Variants in RAI1 observed in about 807,000 individuals in gnomAD.
RAI1 encodes retinoic acid-induced protein 1.
RAI1 carries 9 observed loss-of-function variants against 123.8 expected under a neutral mutation model. The observed-to-expected ratio is 0.07, with a 90% CI of 0.04 to 0.13. The LOEUF (loss-of-function observed/expected upper bound fraction) is 0.13. RAI1 is among the 10% of genes least tolerant of loss of function. RAI1 has a pLI of 1.00. For synonymous variants in RAI1, 1,231 were observed against 1,127.3 expected (o/e 1.09, Z -1.84); for missense variants, 2,256 against 2,545.8 (o/e 0.89, Z 2.45).
At chr17:17,761,619 T>C (rs2030700466) in intron 2 of RAI1, among the ~76,000 whole-genome samples, 1 of 152,094 alleles carries the variant, frequency 6.6e-6, no homozygotes, top group Non-Finnish European at 1.5e-5. Context: ...TACTAGCATT[T>C]TGCCAGGCAA....
At chr17:17,773,300 G>A (rs941504158) in intron 2 of RAI1, among the ~76,000 whole-genome samples, 5 of 152,168 alleles carry the variant, frequency 3.3e-5, no homozygotes, top group African/African-American at 1.2e-4. Flanking sequence ...TGGAGAGAAG[G>A]TGGAGGCTTC....
At chr17:17,754,119 C>A (rs1355550430) in intron 2 of RAI1, among the ~76,000 whole-genome samples, 1 of 150,538 alleles carries the variant, frequency 6.6e-6, no homozygotes, top group Non-Finnish European at 1.5e-5. Flanking sequence ...CACTGGCCAG[C>A]TGTGCAGCCT....
chr17:17,794,392 A>G lies in RAI1; in HGVS notation c.1444A>G (p.Ser482Gly), dbSNP rs200842054. 13 of 1,613,086 alleles carry G rather than the reference A, an allele frequency of 8.1e-6. No homozygotes were observed. Among genetic ancestry groups the G allele is most frequent in the African/African-American group, 5.3e-5 (4 of 74,956 alleles). The change falls in exon 3 of 6, where the codon AGC becomes GGC. Residue 482 changes from serine (S) to glycine (G), a missense_variant. This residue lies in a region of RAI1 where 357 missense variants were observed against 480.2 expected (regional missense o/e 0.74). Coordinates refer to ENST00000353383, the MANE Select transcript of RAI1 (RefSeq NM_030665.4). ...TPEQHKSQHC[S>G]PEGSGYSAEP... ...AGAGCAGCATAAAAGCCAGCACTGC[A>G]GCCCCGAAGGGAGCGGCTACTCAGC...
chr17:17,699,014 A>G (rs529053421), intron 1 of RAI1, among the ~76,000 whole-genome samples: 38 of 152,306 alleles, frequency 2.5e-4, no homozygotes, highest in Non-Finnish European at 4.0e-4. Context: ...TCTGATGGAG[A>G]CAGGGAGTCC....
At chr17:17,765,087 G>A (rs1257288822) in intron 2 of RAI1, among the ~76,000 whole-genome samples, 2 of 152,236 alleles carry the variant, frequency 1.3e-5, no homozygotes, top group South Asian at 2.1e-4. Context: ...AGGCTGAGAC[G>A]GGAGGAGAGT....
rs2032420866 is a variant in RAI1 at position 17,800,338 on chromosome 17, A to G, written c.5565+1825A>G. ...AGCTGGCTGCCACCTCCCCTGCTTC[A>G]CAGCCCCATTCCTGAAAGCCTTGTC... is the stretch of plus-strand genomic sequence containing the variant. On this transcript the variant is annotated intron_variant, in intron 3 of 5. Coordinates refer to ENST00000353383, the MANE Select transcript of RAI1 (RefSeq NM_030665.4). The surrounding 1 kb of genome is among the most constrained non-coding windows in gnomAD (Gnocchi z 4.7). Among the ~76,000 whole-genome samples the G allele has an allele frequency of 6.6e-6, 1 of 152,040 alleles. No individual in the cohort carries two copies. The highest frequency in any genetic ancestry group is 1.5e-5 in the Non-Finnish European group (1 of 67,994).
Position 17,799,832 on chromosome 17 carries a change from G to A in RAI1, c.5565+1319G>A, listed in dbSNP as rs1457671045. Among the ~76,000 whole-genome samples, 1 of 151,602 alleles carries A rather than the reference G, an allele frequency of 6.6e-6. No individual in the cohort carries two copies. Among genetic ancestry groups the A allele is most frequent in the Non-Finnish European group, 1.5e-5 (1 of 67,908 alleles). On this transcript the variant is annotated intron_variant, in intron 3 of 5. Coordinates refer to ENST00000353383, the MANE Select transcript of RAI1 (RefSeq NM_030665.4). The surrounding 1 kb of genome is among the most constrained non-coding windows in gnomAD (Gnocchi z 4.5). ...CACCTGCTCCTCGCAGTACACCCCT[G>A]CAGCCCCTCTGAGCAGCCCCTGCTC...
intron 2 of RAI1, among the ~76,000 whole-genome samples, chr17:17,746,294 C>T (rs1471464025): frequency 6.6e-6 from 1 of 152,220 alleles, no homozygotes; most frequent in African/African-American, 2.4e-5. Context: ...GGAGAGGATG[C>T]GCTTCCGTGC....
chr17:17,720,438 C>T lies in RAI1; in HGVS notation c.-148-3590C>T, dbSNP rs535433201. Among the ~76,000 whole-genome samples, 74 of 152,292 alleles carry T rather than the reference C, an allele frequency of 4.9e-4. 3 individuals are homozygous for T. In the South Asian group the frequency reaches 0.012, roughly 25 times the overall value. On this transcript the variant is annotated intron_variant, in intron 1 of 5. Transcript: ENST00000353383. ...AGAACCTAGGGAGCAGGAAGCCTGC[C>T]AGCCAGGCAGCCTCCTCTGCTGGTG... is the stretch of plus-strand genomic sequence containing the variant.
At chr17:17,719,304 CCT>C (rs538324652) in intron 1 of RAI1, among the ~76,000 whole-genome samples, 138 of 152,316 alleles carry the variant, frequency 9.1e-4, no homozygotes, top group Non-Finnish European at 1.6e-3. Context: ...GGCCCCCCGT[CCT>C]CTCTGCCCAC....
chr17:17,770,277 A>G (rs2031099910), intron 2 of RAI1, among the ~76,000 whole-genome samples: 1 of 151,786 alleles, frequency 6.6e-6, no homozygotes, highest in African/African-American at 2.4e-5. Flanking sequence ...AGGCGGGGGC[A>G]GGGGAAGGAG....
At position 17,794,121 on chromosome 17, in the gene RAI1, C is replaced by T; in HGVS notation, c.1173C>T (p.His391=). 6.2e-7 allele frequency: 1 copy of T among 1,614,144 alleles called. No individual in the cohort carries two copies. The highest frequency in any genetic ancestry group is 1.1e-5 in the South Asian group (1 of 91,080). Residue 391 remains histidine, a synonymous_variant, in exon 3 of 6, where the codon CAC becomes CAT. Transcript: ENST00000353383. ...AFPAGITDHS[H]FMPLLNPSPT... ...CCGCAGGGATCACTGACCACAGCCA[C>T]TTCATGCCCCTGCTCAATCCCTCCC... is the stretch of plus-strand genomic sequence containing the variant.
At chr17:17,759,714 T>G (rs1000644264) in intron 2 of RAI1, among the ~76,000 whole-genome samples, 3 of 152,226 alleles carry the variant, frequency 2.0e-5, no homozygotes, top group African/African-American at 7.2e-5. Context: ...GTTCGGTGCT[T>G]GTCTTCAAGG....
Position 17,810,181 on chromosome 17 carries a change from G to GTTCCGGAGCCGCCTGC in RAI1, c.*202_*217dup. ...CGGCCCCGGGTTGGGAGGAAAACCC[G>GTTCCGGAGCCGCCTGC]TTCCGGAGCCGCCTGCTCCCGGAAC... On this transcript the variant is annotated 3_prime_UTR_variant, in exon 6 of 6. Transcript: ENST00000353383. This position sits in a 1 kb window ranked among gnomAD's most constrained non-coding sequence, Gnocchi z 4.6. The GTTCCGGAGCCGCCTGC allele has an allele frequency of 1.3e-6, 1 of 745,412 alleles. No individual in the cohort carries two copies. Among genetic ancestry groups the GTTCCGGAGCCGCCTGC allele is most frequent in the Middle Eastern group, 4.0e-4 (1 of 2,514 alleles). The allele number at this position is 745,412 out of a possible 1,614,324, so 46.2% of individuals were successfully genotyped here.
intron 3 of RAI1, chr17:17,802,269 C>T (rs960965642): frequency 2.3e-5 from 10 of 434,970 alleles, no homozygotes; most frequent in Admixed American, 1.9e-4. Flanking sequence ...GGGATTACCA[C>T]GTCACCGCCT....
intron 2 of RAI1, among the ~76,000 whole-genome samples, chr17:17,781,667 C>T (rs1598076620): frequency 6.6e-6 from 1 of 152,206 alleles, no homozygotes; most frequent in East Asian, 1.9e-4. Flanking sequence ...CGGGGAGTCC[C>T]CACTGTGCGC....
rs549236254 is a variant in RAI1, at chr17:17,799,873, G to A, written c.5565+1360G>A. Among the ~76,000 whole-genome samples, 79 of 152,258 alleles carry A rather than the reference G, an allele frequency of 5.2e-4. No homozygotes were observed. Among genetic ancestry groups the A allele is most frequent in the African/African-American group, 1.9e-3 (77 of 41,532 alleles). ...GCCCCTGCTCCTGACAGTTGCCGTG[G>A]CATTGCCTGGCCAAACCAAGGTCCC... On this transcript the variant is annotated intron_variant, in intron 3 of 5. Transcript: ENST00000353383. The surrounding 1 kb of genome is among the most constrained non-coding windows in gnomAD (Gnocchi z 4.5).
intron 4 of RAI1, among the ~76,000 whole-genome samples, chr17:17,808,437 ATT>A (rs1491248380): frequency 7.4e-6 from 1 of 135,594 alleles, no homozygotes; most frequent in African/African-American, 2.8e-5. Flanking sequence ...ATTTTATTTT[ATT>A]TTATTTTATT....
chr17:17,686,604 T>TGC (rs1487040603), intron 1 of RAI1, among the ~76,000 whole-genome samples: 191 of 138,978 alleles, frequency 1.4e-3, no homozygotes, highest in African/African-American at 5.1e-3. Flanking sequence ...TGTGTGTGTG[T>TGC]GTGTGCACGC....
Sources: allele counts gnomAD v4.1 joint callset (sites outside exome capture counted in the v4.1 genomes callset), GRCh38; gene constraint gnomAD v4.1.1; regional missense constraint gnomAD v4.1.1; non-coding constraint Gnocchi (gnomAD v3.1); transcripts MANE v1.5; gene names NCBI Gene and HGNC (gene_info 2026-07-23, HGNC 2026-07-21).